Variants in ABTB2 observed in about 807,000 individuals in gnomAD.
ABTB2 encodes the protein ankyrin repeat and BTB domain containing 2, also known as ankyrin repeat and BTB/POZ domain-containing protein 2.
Under a neutral mutation model 104.1 loss-of-function variants are expected in ABTB2, and 56 were observed. The ratio of observed to expected loss-of-function variants is 0.54; its 90% confidence interval spans 0.43 to 0.67. The LOEUF is 0.67. Among genes scored for constraint, ABTB2 ranks in the 30% least tolerant of loss-of-function variants. ABTB2 has a pLI of 0.00. For missense variants in ABTB2, 1,279 were observed against 1,407.7 expected, an observed-to-expected ratio of 0.91 and a Z score of 1.46; for synonymous variants, 606 against 608.2, an observed-to-expected ratio of 1.00 and a Z score of 0.05.
intron 10 of ABTB2, 26 bp downstream of exon 10, chr11:34,162,550 G>A: frequency 6.2e-7 from 1 of 1,605,414 alleles, no homozygotes. Context: ...GCATGGACAT[G>A]GGTGTGCATG....
chr11:34,154,432 G>T lies in ABTB2; in HGVS notation c.2767-54C>A. 7.5e-7 allele frequency: 1 copy of T among 1,329,166 alleles called. No individual in the cohort carries two copies. Among genetic ancestry groups the T allele is most frequent in the South Asian group, 1.2e-5 (1 of 82,098 alleles). 82.3% of individuals were successfully genotyped at this position (1,329,166 alleles called of 1,614,324 possible). On this transcript the variant is annotated intron_variant, in intron 15 of 16. Coordinates refer to ENST00000435224, the MANE Select transcript of ABTB2 (RefSeq NM_145804.3). The surrounding 1 kb of genome is among the most constrained non-coding windows in gnomAD (Gnocchi z 4.9). ...GACCCATGGCCAGACCAGTGGCCCA[G>T]ACAGCACCGAACAGAAAGCTCCCGA...
intron 1 of ABTB2, among the ~76,000 whole-genome samples, chr11:34,262,307 G>C (rs955771394): frequency 1.1e-4 from 16 of 152,060 alleles, no homozygotes; most frequent in African/African-American, 3.9e-4. Context: ...TAAGGGGCTT[G>C]GACTCTCATG....
intron 1 of ABTB2, among the ~76,000 whole-genome samples, chr11:34,319,163 G>T (rs1854972598): frequency 6.6e-6 from 1 of 152,212 alleles, no homozygotes; most frequent in South Asian, 2.1e-4. Context: ...CCAGGGAAAG[G>T]CAATGAAATG....
In ABTB2 at chr11:34,161,770, C is replaced by G. The variant is rs1035644796; in HGVS notation, c.2219-689G>C. 4.6e-5 allele frequency among the ~76,000 whole-genome samples: 7 copies of G among 152,270 alleles called. No individual in the cohort carries two copies. In the East Asian group the frequency reaches 5.8e-4, roughly 13 times the overall value. On this transcript the variant is annotated intron_variant, in intron 10 of 16. Coordinates refer to ENST00000435224, the MANE Select transcript of ABTB2 (RefSeq NM_145804.3). ...GGTAATTAGAGAGACAGCTTCTTAC[C>G]CCAACCTCACTGTGGATCAAAGAAC...
chr11:34,312,249 C>G (rs1008597630), intron 1 of ABTB2, among the ~76,000 whole-genome samples: 2 of 152,182 alleles, frequency 1.3e-5, no homozygotes, highest in Admixed American at 1.3e-4. Flanking sequence ...TCCAGATACC[C>G]CTAAATGGTC....
rs1855479567 is a variant in ABTB2, at chr11:34,357,277, C to G, written c.307G>C (p.Asp103His). The change falls in exon 1 of 17, where the codon GAC becomes CAC. Residue 103 changes from aspartate to histidine, a missense_variant. Physicochemically the swap from Asp to His is moderately conservative, Grantham distance 81. Transcript: ENST00000435224. ...CCTTTGCGGAGCACCCGGGCCACGTCTCCTTCGGTCCAGGGGAACTCCTCC... is the reference window on the plus strand; with the variant it reads ...CCTTTGCGGAGCACCCGGGCCACGTGTCCTTCGGTCCAGGGGAACTCCTCC... ...ELEEFPWTEGDVARVLRKGAG... is the reference protein window; with the variant it reads ...ELEEFPWTEGHVARVLRKGAG... The G allele has an allele frequency of 1.3e-6, 2 of 1,499,872 alleles. No individual in the cohort carries two copies. The highest frequency in any genetic ancestry group is 1.8e-6 in the Non-Finnish European group (2 of 1,126,226). 92.9% of individuals were successfully genotyped at this position (1,499,872 alleles called of 1,614,324 possible). A position where few individuals can be genotyped will look rare whatever the true frequency, so the allele number is the denominator to read the frequency against.
At chr11:34,297,181 G>A (rs563589027) in intron 1 of ABTB2, among the ~76,000 whole-genome samples, 2 of 152,182 alleles carry the variant, frequency 1.3e-5, no homozygotes, top group Admixed American at 6.5e-5. Flanking sequence ...CCTGGTACCC[G>A]GCACACAGTA....
rs3035434 is a variant in ABTB2, at chr11:34,342,920, CATTTATTTATTTATTTATTT to C, written c.883+13761_883+13780del. Among the ~76,000 whole-genome samples the C allele has an allele frequency of 3.5e-3, 519 of 148,812 alleles. 3 individuals carry two copies. The highest frequency in any genetic ancestry group is 0.011 in the African/African-American group (459 of 40,268). On this transcript the variant is annotated intron_variant, in intron 1 of 16. Coordinates refer to ENST00000435224, the MANE Select transcript of ABTB2 (RefSeq NM_145804.3). ...ACATCTTATGGTGTCACTCCCATTT[CATTTATTTATTTATTTATTT>C]ATTTATTTATTTATTTATTTATTCG...
Position 34,357,323 on chromosome 11 carries a change from G to T in ABTB2, c.261C>A (p.Arg87=). The part of the protein sequence containing the change: ...EDPEVADLFS[R]CPRLPELEEF... Reference sequence around the variant, plus strand: ...CCTCCAGCTCGGGGAGCCGCGGACAGCGCGAGAAGAGGTCGGCCACTTCGG... The same window carrying T: ...CCTCCAGCTCGGGGAGCCGCGGACATCGCGAGAAGAGGTCGGCCACTTCGG... The change falls in exon 1 of 17, where the codon CGC becomes CGA. Residue 87 remains arginine (R), a synonymous_variant. Transcript: ENST00000435224. 1 of 1,517,564 alleles carries T rather than the reference G, an allele frequency of 6.6e-7. No individual in the cohort carries two copies. Among genetic ancestry groups the T allele is most frequent in the African/African-American group, 1.4e-5 (1 of 72,100 alleles). 94.0% of individuals were successfully genotyped at this position (1,517,564 alleles called of 1,614,324 possible).
chr11:34,248,462 A>C (rs1295626847), intron 1 of ABTB2, among the ~76,000 whole-genome samples: 3 of 152,132 alleles, frequency 2.0e-5, no homozygotes, highest in Non-Finnish European at 4.4e-5. Context: ...ACCCTTCCTT[A>C]CTACCTTTAA....
At chr11:34,242,755 G>A (rs572608954) in intron 1 of ABTB2, among the ~76,000 whole-genome samples, 1 of 152,244 alleles carries the variant, frequency 6.6e-6, no homozygotes, top group African/African-American at 2.4e-5. Context: ...TGTCTCCTGG[G>A]CACTTATGTG....
intron 8 of ABTB2, 69 bp from the exon 9 acceptor site, chr11:34,164,890 G>A: frequency 1.3e-6 from 2 of 1,541,122 alleles, no homozygotes; most frequent in Non-Finnish European, 1.7e-6. Context: ...AGGCGAAAGG[G>A]AAGGGAGAGC....
chr11:34,247,224 C>T (rs990338), intron 1 of ABTB2, among the ~76,000 whole-genome samples: 72,991 of 152,036 alleles, frequency 0.48, 18,088 homozygotes, highest in East Asian at 0.67. Flanking sequence ...GTGGAGCCAC[C>T]GCTACAGGTT....
chr11:34,333,263 G>A (rs1855153902), intron 1 of ABTB2, among the ~76,000 whole-genome samples: 1 of 152,158 alleles, frequency 6.6e-6, no homozygotes, highest in Non-Finnish European at 1.5e-5. Context: ...CCATGAGGGT[G>A]TCTCCTAGGC....
intron 1 of ABTB2, among the ~76,000 whole-genome samples, chr11:34,235,643 T>C (rs1034573212): frequency 6.6e-6 from 1 of 152,162 alleles, no homozygotes; most frequent in South Asian, 2.1e-4. Context: ...GATTTGCCTA[T>C]CAGAGCCATC....
intron 1 of ABTB2, among the ~76,000 whole-genome samples, chr11:34,338,312 T>C (rs1175155730): frequency 6.6e-6 from 1 of 150,698 alleles, no homozygotes; most frequent in African/African-American, 2.4e-5. Context: ...ACTCAGGAGA[T>C]GGAGGTTGCA....
At position 34,252,600 on chromosome 11, in the gene ABTB2, G is replaced by A. The variant is rs1214851459; in HGVS notation, c.884-47910C>T. Among the ~76,000 whole-genome samples the A allele has an allele frequency of 6.6e-6, 1 of 152,184 alleles. No individual in the cohort carries two copies. The highest frequency in any genetic ancestry group is 1.9e-4 in the East Asian group (1 of 5,198). ...GCAGGGAGAGAGAATGGGGGGAAGGGTGGGGCCAGGAGGGGGATTGGGAGA... is the reference window on the plus strand; with the variant it reads ...GCAGGGAGAGAGAATGGGGGGAAGGATGGGGCCAGGAGGGGGATTGGGAGA... On this transcript the variant is annotated intron_variant, in intron 1 of 16. Coordinates refer to ENST00000435224, the MANE Select transcript of ABTB2 (RefSeq NM_145804.3). This position sits in a 1 kb window ranked among gnomAD's most constrained non-coding sequence, Gnocchi z 5.5.
intron 1 of ABTB2, among the ~76,000 whole-genome samples, chr11:34,269,329 G>A (rs1854286439): frequency 6.6e-6 from 1 of 152,126 alleles, no homozygotes; most frequent in Non-Finnish European, 1.5e-5. Flanking sequence ...GATTTGCTGT[G>A]GTCACAGCAG....
chr11:34,176,588 G>A (rs1273398139), intron 3 of ABTB2, among the ~76,000 whole-genome samples: 1 of 152,214 alleles, frequency 6.6e-6, no homozygotes, highest in East Asian at 1.9e-4. Context: ...GCTACAGTAA[G>A]CTATGATCGC....
Sources: gnomAD v4.1 joint callset for allele counts (sites outside exome capture counted in the v4.1 genomes callset) on GRCh38, gnomAD v4.1.1 for gene constraint, Gnocchi (gnomAD v3.1) non-coding constraint, MANE v1.5 for transcripts, NCBI Gene and HGNC (gene_info 2026-07-23, HGNC 2026-07-21) for gene names.